CHCHD3: variants seen among roughly 807,000 people sequenced by gnomAD.
CHCHD3 encodes MICOS complex subunit MIC19.
In CHCHD3, 20 loss-of-function variants were observed where a neutral mutation model predicts 38.2. That is an observed-to-expected ratio of 0.52 (90% CI 0.37 to 0.76). The LOEUF (loss-of-function observed/expected upper bound fraction) is 0.76. Among genes scored for constraint, CHCHD3 ranks in the 30% least tolerant of loss-of-function variants. The probability of loss-of-function intolerance (pLI) is 0.00; values close to 1 mark genes in which losing one functional copy is unlikely to be tolerated. For synonymous variants in CHCHD3, 82 were observed against 100.0 expected, an observed-to-expected ratio of 0.82 and a Z score of 1.07; for missense variants, 245 against 279.2, an observed-to-expected ratio of 0.88 and a Z score of 0.87.
At chr7:133,031,333 A>G (rs1813497295) in intron 2 of CHCHD3, among the ~76,000 whole-genome samples, 1 of 152,126 alleles carries the variant, frequency 6.6e-6, no homozygotes, top group Non-Finnish European at 1.5e-5. Context: ...TGAATGGTGA[A>G]TAGAAATGAC....
In CHCHD3 at chr7:133,034,647, T is replaced by C. The variant is rs755631689; in HGVS notation, c.170-10020A>G. Reference sequence around the variant, plus strand: ...GCCGTGATTGAAGGCTTTGCCCACATGCTGGAAGGCCCCCTCCCAGGAAAA... The same window carrying C: ...GCCGTGATTGAAGGCTTTGCCCACACGCTGGAAGGCCCCCTCCCAGGAAAA... On this transcript the variant is annotated intron_variant, in intron 2 of 7. Coordinates refer to ENST00000262570, the MANE Select transcript of CHCHD3 (RefSeq NM_017812.4). 36 of 1,610,556 alleles carry C rather than the reference T, an allele frequency of 2.2e-5. No individual in the cohort carries two copies. The Admixed American group carries it at 5.9e-4, about 26-fold the overall frequency.
At chr7:132,885,927 C>A (rs917728101) in intron 4 of CHCHD3, among the ~76,000 whole-genome samples, 182 bp from the exon 5 acceptor site, 1 of 152,084 alleles carries the variant, frequency 6.6e-6, no homozygotes, top group Non-Finnish European at 1.5e-5. Flanking sequence ...AGAAGAAGTC[C>A]GCATTGTATT....
chr7:133,075,786 G>A (rs1269008452), intron 1 of CHCHD3, among the ~76,000 whole-genome samples: 3 of 152,204 alleles, frequency 2.0e-5, no homozygotes, highest in Non-Finnish European at 2.9e-5. Flanking sequence ...GCGGTCAGGT[G>A]TGGTGGCTCA....
intron 4 of CHCHD3, among the ~76,000 whole-genome samples, chr7:132,896,708 C>A (rs538616316): frequency 6.6e-6 from 1 of 152,264 alleles, no homozygotes; most frequent in African/African-American, 2.4e-5. Context: ...ATGAAAGACA[C>A]AAGTGAATAT....
chr7:132,926,242 A>C (rs1810374115), intron 4 of CHCHD3, among the ~76,000 whole-genome samples: 1 of 152,224 alleles, frequency 6.6e-6, no homozygotes, highest in South Asian at 2.1e-4. Context: ...CCAACTTATA[A>C]GTTACTGGTA....
At chr7:132,803,644 T>C (rs1008351065) in intron 6 of CHCHD3, among the ~76,000 whole-genome samples, 3 of 151,922 alleles carry the variant, frequency 2.0e-5, no homozygotes, top group African/African-American at 7.2e-5. Flanking sequence ...GGTTCATTTA[T>C]TCCTTTATCT....
chr7:133,052,931 A>G (rs1248779466), intron 2 of CHCHD3, among the ~76,000 whole-genome samples: 1 of 152,176 alleles, frequency 6.6e-6, no homozygotes, highest in Non-Finnish European at 1.5e-5. Flanking sequence ...AGCCTGAAGA[A>G]TTATTCTAAC....
rs1810531952 is a variant in CHCHD3, at chr7:132,932,263, A to T, written c.369+42906T>A. On this transcript the variant is annotated intron_variant, in intron 4 of 7. Transcript: ENST00000262570. Reference sequence around the variant, plus strand: ...ACCAGGTTATAGTTTTGCCAATTAGAGCACATCCTGGGTGAGAGAGAGCAA... The same window carrying T: ...ACCAGGTTATAGTTTTGCCAATTAGTGCACATCCTGGGTGAGAGAGAGCAA... Among the ~76,000 whole-genome samples, 3 of 152,176 alleles carry T rather than the reference A, an allele frequency of 2.0e-5. No individual in the cohort carries two copies. The South Asian group carries it at 6.2e-4, about 32-fold the overall frequency.
Position 133,081,841 on chromosome 7 carries a change from G to C in CHCHD3, c.81+16C>G. On this transcript the variant is annotated intron_variant, in intron 1 of 7. Coordinates refer to ENST00000262570, the MANE Select transcript of CHCHD3 (RefSeq NM_017812.4). Reference sequence around the variant, plus strand: ...GAGTCCAACCACTGGCCCTCCGCCCGTCCACGGGCACTCACCCGGATGCCC... The same window carrying C: ...GAGTCCAACCACTGGCCCTCCGCCCCTCCACGGGCACTCACCCGGATGCCC... 1 of 1,552,046 alleles carries C rather than the reference G, an allele frequency of 6.4e-7. No individual in the cohort carries two copies. The highest frequency in any genetic ancestry group is 8.7e-7 in the Non-Finnish European group (1 of 1,147,038).
chr7:132,975,105 T>C (rs1443341188), intron 4 of CHCHD3, 64 bp downstream of exon 4: 1 of 1,241,176 alleles, frequency 8.1e-7, no homozygotes, highest in South Asian at 1.2e-5. Context: ...AGTACTTAGC[T>C]CTTCCCAAAC....
intron 2 of CHCHD3, among the ~76,000 whole-genome samples, chr7:133,028,671 G>C (rs1484171783): frequency 6.6e-6 from 1 of 152,112 alleles, no homozygotes; most frequent in Non-Finnish European, 1.5e-5. Flanking sequence ...CAGATCACGA[G>C]GTCAGGAGTT....
intron 6 of CHCHD3, among the ~76,000 whole-genome samples, chr7:132,805,472 C>T (rs558227518): frequency 9.0e-4 from 137 of 152,012 alleles, no homozygotes; most frequent in Non-Finnish European, 1.3e-3. Context: ...CTGGCATATT[C>T]AAGGGACTCA....
chr7:132,907,428 C>T (rs576652674), intron 4 of CHCHD3, among the ~76,000 whole-genome samples: 1 of 152,092 alleles, frequency 6.6e-6, no homozygotes. Context: ...TAAAGGATTT[C>T]ATCAACTGGA....
intron 4 of CHCHD3, among the ~76,000 whole-genome samples, chr7:132,970,799 A>G (rs1380157950): frequency 1.3e-5 from 2 of 152,148 alleles, no homozygotes; most frequent in Non-Finnish European, 2.9e-5. Flanking sequence ...AAAATACTAC[A>G]TAGTTCTGTG....
chr7:132,953,856 A>G (rs1811092649), intron 4 of CHCHD3, among the ~76,000 whole-genome samples: 1 of 152,060 alleles, frequency 6.6e-6, no homozygotes, highest in South Asian at 2.1e-4. Flanking sequence ...ATCCCAGTTT[A>G]TGTGTGTTGT....
intron 5 of CHCHD3, 69 bp downstream of exon 5, chr7:132,885,593 A>G: frequency 8.2e-7 from 1 of 1,219,702 alleles, no homozygotes; most frequent in Non-Finnish European, 1.1e-6. Flanking sequence ...CTAATTTATT[A>G]ATTTTTAAAT....
At chr7:132,867,863 C>G (rs1292262886) in intron 5 of CHCHD3, among the ~76,000 whole-genome samples, 1 of 152,068 alleles carries the variant, frequency 6.6e-6, no homozygotes, top group Non-Finnish European at 1.5e-5. Context: ...ATAAAATAGG[C>G]TATGGGAAAT....
At chr7:132,865,230 C>CT (rs1808588978) in intron 5 of CHCHD3, among the ~76,000 whole-genome samples, 1 of 152,180 alleles carries the variant, frequency 6.6e-6, no homozygotes, top group Non-Finnish European at 1.5e-5. Context: ...GTTACTTGAA[C>CT]TTTTTTAGCT....
chr7:132,950,501 A>G (rs1811012140), intron 4 of CHCHD3, among the ~76,000 whole-genome samples: 1 of 152,196 alleles, frequency 6.6e-6, no homozygotes, highest in Non-Finnish European at 1.5e-5. Context: ...TTGTCATCTT[A>G]TAAGATGCAA....
Sources: allele counts gnomAD v4.1 joint callset (sites outside exome capture counted in the v4.1 genomes callset), GRCh38; gene constraint gnomAD v4.1.1; transcripts MANE v1.5; gene names NCBI Gene and HGNC (gene_info 2026-07-23, HGNC 2026-07-21).